Variants in MCTP2 observed in about 807,000 individuals in gnomAD.
MCTP2 encodes multiple C2 and transmembrane domain containing 2.
MCTP2 carries 132 observed loss-of-function variants against 111.6 expected under a neutral mutation model. That is an observed-to-expected ratio of 1.18 (90% CI 1.03 to 1.37). MCTP2 has a LOEUF of 1.37. Among genes scored for constraint, MCTP2 ranks in the 40% most tolerant of loss-of-function variants. The pLI is 0.00. For missense variants in MCTP2, 1,183 were observed against 1,067.9 expected (o/e 1.11, Z -1.50); for synonymous variants, 395 against 387.7 (o/e 1.02, Z -0.22).
intron 12 of MCTP2, among the ~76,000 whole-genome samples, chr15:94,382,763 T>C (rs1317856035): frequency 6.6e-6 from 1 of 152,284 alleles, no homozygotes; most frequent in Non-Finnish European, 1.5e-5. Context: ...GAACAGCGTC[T>C]GTCCTTGTGC....
chr15:94,360,277 C>T (rs1452360607), intron 10 of MCTP2, among the ~76,000 whole-genome samples: 2 of 152,154 alleles, frequency 1.3e-5, no homozygotes, highest in Admixed American at 1.3e-4. Flanking sequence ...AGGAGAAAAC[C>T]CACTTCCTGT....
At chr15:94,361,621 A>T (rs1242269925) in intron 10 of MCTP2, among the ~76,000 whole-genome samples, 1 of 152,240 alleles carries the variant, frequency 6.6e-6, no homozygotes, top group Non-Finnish European at 1.5e-5. Flanking sequence ...CGTAAACTGT[A>T]GGTCCTCACA....
intron 1 of MCTP2, among the ~76,000 whole-genome samples, chr15:94,246,018 C>T (rs1406464814): frequency 1.3e-5 from 2 of 152,028 alleles, no homozygotes; most frequent in South Asian, 2.1e-4. Context: ...TCTGTGTAGG[C>T]TGAGAGTGGG....
intron 20 of MCTP2, among the ~76,000 whole-genome samples, chr15:94,460,156 G>A (rs2085094521): frequency 6.6e-6 from 1 of 152,198 alleles, no homozygotes; most frequent in African/African-American, 2.4e-5. Flanking sequence ...GTGGTAGGGA[G>A]AGGTAAGAGA....
intron 8 of MCTP2, among the ~76,000 whole-genome samples, chr15:94,349,116 C>T (rs1026973505): frequency 3.3e-5 from 5 of 152,136 alleles, no homozygotes; most frequent in African/African-American, 1.2e-4. Flanking sequence ...TGCTGAATGT[C>T]GTAACCCTGA....
At chr15:94,476,832 C>T (rs1567800634) in intron 22 of MCTP2, 39 bp downstream of exon 22, 5 of 1,223,958 alleles carry the variant, frequency 4.1e-6, no homozygotes, top group Non-Finnish European at 6.0e-6. Context: ...TGGCCCCAAC[C>T]TGAAATCTGG....
Position 94,298,283 on chromosome 15 carries a change from A to G in MCTP2, c.18A>G (p.Pro6=), listed in dbSNP as rs773766212. The G allele has an allele frequency of 9.3e-6, 15 of 1,612,264 alleles. No homozygotes were observed. Among genetic ancestry groups the G allele is most frequent in the Middle Eastern group, 1.6e-4 (1 of 6,064 alleles). Residue 6 remains proline, a synonymous_variant, in exon 2 of 23, where the codon CCA becomes CCG. Transcript: ENST00000357742. The stretch of plus-strand genomic sequence containing the variant: ...ATGCAGCCATGGATCTGGATAAACC[A>G]TCTGTTTGGGGCTCATTAAAACAGC... MDLDK[P]SVWGSLKQRT... is the part of the protein sequence containing the mutation.
At chr15:94,433,911 G>C (rs575074407) in intron 17 of MCTP2, among the ~76,000 whole-genome samples, 17 of 152,154 alleles carry the variant, frequency 1.1e-4, no homozygotes, top group Admixed American at 4.6e-4. Flanking sequence ...GTGTTTGAAG[G>C]ATTTGGTCAA....
chr15:94,280,294 T>C (rs927292260), intron 1 of MCTP2, among the ~76,000 whole-genome samples: 7 of 152,194 alleles, frequency 4.6e-5, no homozygotes, highest in Non-Finnish European at 7.4e-5. Flanking sequence ...GAACTCACTG[T>C]TGGTCAGATC....
chr15:94,372,482 G>A (rs905215021), intron 12 of MCTP2, among the ~76,000 whole-genome samples: 4 of 152,150 alleles, frequency 2.6e-5, no homozygotes, highest in Admixed American at 6.5e-5. Flanking sequence ...TCACATTACC[G>A]TGAGGTAGCA....
At chr15:94,278,877 C>T (rs966361156) in intron 1 of MCTP2, among the ~76,000 whole-genome samples, 2 of 152,102 alleles carry the variant, frequency 1.3e-5, no homozygotes, top group East Asian at 1.9e-4. Context: ...CTACAGCTCC[C>T]TCCACTATTA....
chr15:94,363,513 G>C (rs973296178), intron 10 of MCTP2, among the ~76,000 whole-genome samples: 2 of 152,100 alleles, frequency 1.3e-5, no homozygotes, highest in South Asian at 4.1e-4. Flanking sequence ...CTGGAGAGGA[G>C]AGAGAGCACA....
At chr15:94,355,931 C>G in intron 8 of MCTP2, 1 of 1,179,388 alleles carries the variant, frequency 8.5e-7, no homozygotes, top group Non-Finnish European at 1.1e-6. Context: ...TCATCCTTCA[C>G]TATATTATTA....
intron 6 of MCTP2, 26 bp downstream of exon 6, chr15:94,340,301 T>G: frequency 6.5e-7 from 1 of 1,545,234 alleles, no homozygotes. Context: ...ATTTTAATTG[T>G]TATTGATGAG....
chr15:94,385,746 A>C (rs1323999758), intron 14 of MCTP2, among the ~76,000 whole-genome samples: 1 of 152,246 alleles, frequency 6.6e-6, no homozygotes, highest in Non-Finnish European at 1.5e-5. Context: ...TGACGTAACC[A>C]ACCAAAACAT....
chr15:94,432,217 A>G (rs1462641458), intron 17 of MCTP2, among the ~76,000 whole-genome samples: 3 of 152,104 alleles, frequency 2.0e-5, no homozygotes, highest in African/African-American at 4.8e-5. Flanking sequence ...TGTTGGGCCT[A>G]TCTATTCTTT....
intron 1 of MCTP2, among the ~76,000 whole-genome samples, chr15:94,273,303 A>G (rs748259619): frequency 1.3e-5 from 2 of 152,210 alleles, no homozygotes; most frequent in Non-Finnish European, 2.9e-5. Context: ...CCACAAAGGG[A>G]GCCTCTAATT....
chr15:94,381,356 T>C (rs1392539754), intron 12 of MCTP2, among the ~76,000 whole-genome samples: 1 of 152,238 alleles, frequency 6.6e-6, no homozygotes, highest in Non-Finnish European at 1.5e-5. Context: ...AAATGCAGCA[T>C]TTTAATGAGC....
intron 17 of MCTP2, among the ~76,000 whole-genome samples, chr15:94,420,610 G>A (rs1489936011): frequency 6.6e-6 from 1 of 152,076 alleles, no homozygotes; most frequent in African/African-American, 2.4e-5. Context: ...TTTAGATGTG[G>A]CAGAAATAGC....
Sources: allele counts gnomAD v4.1 joint callset (sites outside exome capture counted in the v4.1 genomes callset), GRCh38; gene constraint gnomAD v4.1.1; transcripts MANE v1.5; gene names NCBI Gene and HGNC (gene_info 2026-07-23, HGNC 2026-07-21).